Variants in KIF2A observed in about 807,000 individuals in gnomAD.
The protein encoded by KIF2A is kinesin-like protein KIF2A.
In KIF2A, 22 loss-of-function variants were observed where a neutral mutation model predicts 100.2. That is an observed-to-expected ratio of 0.22 (90% CI 0.16 to 0.31). KIF2A has a LOEUF of 0.31. Among genes scored for constraint, KIF2A ranks in the 10% least tolerant of loss-of-function variants. KIF2A has a pLI of 1.00. For missense variants in KIF2A, 495 were observed against 898.7 expected (o/e 0.55, Z 5.74); for synonymous variants, 268 against 285.9 (o/e 0.94, Z 0.63).
chr5:62,385,353 C>A, intron 20 of KIF2A, 131 bp from the exon 21 acceptor site: 2 of 619,296 alleles, frequency 3.2e-6, no homozygotes, highest in South Asian at 2.4e-5. Flanking sequence ...TTCTAGACAA[C>A]AAAGAACAAA....
chr5:62,350,025 GTAAAGATAGAAAACA>G, intron 3 of KIF2A, 26 bp from the exon 4 acceptor site: 1 of 1,359,526 alleles, frequency 7.4e-7, no homozygotes, highest in Non-Finnish European at 1.0e-6. Context: ...ATATGAGGGA[GTAAAGATAGAAAACA>G]TAATGAACAT....
chr5:62,306,467 G>C lies in KIF2A; in HGVS notation c.-6G>C. 1 of 1,543,226 alleles carries C rather than the reference G, an allele frequency of 6.5e-7. No homozygotes were observed. The highest frequency in any genetic ancestry group is 2.5e-5 in the East Asian group (1 of 40,208). ...TCGGCCCGCTGCTGCTGCTCCAGAT[G>C]AGGTGATGGCAACGGCCAACTTCGG... On this transcript the variant is annotated 5_prime_UTR_variant, in exon 1 of 21. It removes an upstream start codon present in the reference 5' UTR. Coordinates refer to ENST00000407818, the MANE Select transcript of KIF2A (RefSeq NM_001098511.3).
intron 1 of KIF2A, chr5:62,308,597 TA>T (rs34459515): frequency 1.4e-6 from 1 of 700,492 alleles, no homozygotes; most frequent in East Asian, 2.7e-5. Flanking sequence ...TATTCAGCCT[TA>T]AAAAAGGAGA....
At chr5:62,383,434 G>A (rs1237049337) in intron 20 of KIF2A, among the ~76,000 whole-genome samples, 3 of 151,158 alleles carry the variant, frequency 2.0e-5, no homozygotes, top group Non-Finnish European at 2.9e-5. Flanking sequence ...TAGTAGAGAC[G>A]GGGTTTCATT....
In KIF2A at chr5:62,389,142, T is replaced by C. The variant is rs1742174090; in HGVS notation, c.*3573T>C. 1.8e-6 allele frequency: 2 copies of C among 1,137,044 alleles called. No homozygotes were observed. The highest frequency in any genetic ancestry group is 1.6e-5 in the African/African-American group (1 of 63,560). The allele number at this position is 1,137,044 out of a possible 1,614,324, so 70.4% of individuals were successfully genotyped here. A position where few individuals can be genotyped will look rare whatever the true frequency, so the allele number is the denominator to read the frequency against. ...GTTCTATACCATTAATACTAAAACA[T>C]GAATACAGCATGCTTACAGAGCCCA... On this transcript the variant is annotated 3_prime_UTR_variant, in exon 21 of 21. Transcript: ENST00000407818.
At chr5:62,306,679 G>A in intron 1 of KIF2A, 143 bp downstream of exon 1, 1 of 670,532 alleles carries the variant, frequency 1.5e-6, no homozygotes, top group Non-Finnish European at 2.5e-6. Flanking sequence ...TTTTGTGTGT[G>A]GCGTGTGTGC....
At chr5:62,384,455 T>A (rs1029268435) in intron 20 of KIF2A, among the ~76,000 whole-genome samples, 5 of 152,224 alleles carry the variant, frequency 3.3e-5, no homozygotes, top group Non-Finnish European at 5.9e-5. Flanking sequence ...CCTTTCTTTG[T>A]TGAGGAGTGT....
chr5:62,322,940 A>AAAAAAAAT (rs1326315534), intron 1 of KIF2A, among the ~76,000 whole-genome samples: 10 of 149,910 alleles, frequency 6.7e-5, no homozygotes, highest in Non-Finnish European at 1.3e-4. Flanking sequence ...TTAGTAAAAA[A>AAAAAAAAT]AAAAAAAAAT....
intron 1 of KIF2A, among the ~76,000 whole-genome samples, chr5:62,322,191 G>A (rs769894385): frequency 6.6e-6 from 1 of 152,116 alleles, no homozygotes; most frequent in Non-Finnish European, 1.5e-5. Flanking sequence ...CAGCCTCTCA[G>A]AAGTGCTGGG....
chr5:62,385,839 A>C lies in KIF2A; in HGVS notation c.*270A>C. 2.4e-6 allele frequency: 1 copy of C among 418,906 alleles called. No individual in the cohort carries two copies. Among genetic ancestry groups the C allele is most frequent in the Non-Finnish European group, 4.4e-6 (1 of 228,384 alleles). The allele number at this position is 418,906 out of a possible 1,614,324, so 25.9% of individuals were successfully genotyped here. A position where few individuals can be genotyped will look rare whatever the true frequency, so the allele number is the denominator to read the frequency against. On this transcript the variant is annotated 3_prime_UTR_variant, in exon 21 of 21. Coordinates refer to ENST00000407818, the MANE Select transcript of KIF2A (RefSeq NM_001098511.3). ...ACTTTTGGAGATCCTTGTCAGTTTT[A>C]TTTTCTATTTGATGAAGTAAGACTG...
Position 62,370,928 on chromosome 5 carries a change from A to G in KIF2A, c.1647-1510A>G, listed in dbSNP as rs143855493. On this transcript the variant is annotated intron_variant, in intron 16 of 20. Coordinates refer to ENST00000407818, the MANE Select transcript of KIF2A (RefSeq NM_001098511.3). ...AGGGTGTCTAAATTAAAAGATTTAG[A>G]TAAGAAATGGGGTGGGAGTGAAAAT... is the stretch of plus-strand genomic sequence containing the variant. 2.0e-5 allele frequency among the ~76,000 whole-genome samples: 3 copies of G among 152,312 alleles called. No individual in the cohort carries two copies. In the East Asian group the frequency reaches 5.8e-4, roughly 29 times the overall value.
Position 62,363,560 on chromosome 5 carries a change from GTC to G in KIF2A, c.1263-132_1263-131del, listed in dbSNP as rs529185765. On this transcript the variant is annotated intron_variant, in intron 13 of 20. Transcript: ENST00000407818. ...TTCTATTTAAGTGTTATAACTCAGT[GTC>G]TCATCTGTATTTAAAAGATGAAAAC... The G allele has an allele frequency of 9.6e-5, 74 of 774,628 alleles. No individual in the cohort carries two copies. In the South Asian group the frequency reaches 1.3e-3, roughly 14 times the overall value. 48.0% of individuals were successfully genotyped at this position (774,628 alleles called of 1,614,324 possible). A position where few individuals can be genotyped will look rare whatever the true frequency, so the allele number is the denominator to read the frequency against.
At chr5:62,328,733 C>T (rs1746499912) in intron 1 of KIF2A, among the ~76,000 whole-genome samples, 1 of 152,032 alleles carries the variant, frequency 6.6e-6, no homozygotes, top group Non-Finnish European at 1.5e-5. Flanking sequence ...CTCAGGTGAT[C>T]CGCCCGCCTC....
chr5:62,321,356 C>T (rs1746081780), intron 1 of KIF2A, among the ~76,000 whole-genome samples: 2 of 152,086 alleles, frequency 1.3e-5, no homozygotes, highest in Non-Finnish European at 2.9e-5. Context: ...TCAAAAGTGG[C>T]TATATTATTT....
chr5:62,344,736 G>GAT (rs1250792910), intron 1 of KIF2A, among the ~76,000 whole-genome samples: 3 of 152,110 alleles, frequency 2.0e-5, no homozygotes, highest in Non-Finnish European at 2.9e-5. Flanking sequence ...AATAAATTGT[G>GAT]ATATATTCAT....
chr5:62,309,428 C>T (rs1000009962), intron 1 of KIF2A, among the ~76,000 whole-genome samples: 1 of 152,158 alleles, frequency 6.6e-6, no homozygotes, highest in Non-Finnish European at 1.5e-5. Context: ...TTCGAAAGAA[C>T]AGAAGGATCA....
chr5:62,324,490 C>T (rs762592666), intron 1 of KIF2A, among the ~76,000 whole-genome samples: 3 of 152,156 alleles, frequency 2.0e-5, no homozygotes, highest in Non-Finnish European at 2.9e-5. Flanking sequence ...CAAAACAGCG[C>T]GGTACCGATA....
chr5:62,350,404 T>G (rs1461251792), intron 4 of KIF2A, among the ~76,000 whole-genome samples: 2 of 151,864 alleles, frequency 1.3e-5, no homozygotes, highest in Non-Finnish European at 2.9e-5. Flanking sequence ...CAGCCTCACA[T>G]GTAGCTGGGA....
At chr5:62,347,079 G>C in intron 1 of KIF2A, 51 bp from the exon 2 acceptor site, 1 of 948,662 alleles carries the variant, frequency 1.1e-6, no homozygotes, top group Non-Finnish European at 1.6e-6. Context: ...CAGTGTTTAG[G>C]AATGCCATAA....
Sources: gnomAD v4.1 joint callset for allele counts (sites outside exome capture counted in the v4.1 genomes callset) on GRCh38, gnomAD v4.1.1 for gene constraint, MANE v1.5 for transcripts, NCBI Gene and HGNC (gene_info 2026-07-23, HGNC 2026-07-21) for gene names.